Variants in DNAJC5B observed in about 807,000 individuals in gnomAD.
DNAJC5B encodes DnaJ heat shock protein family (Hsp40) member C5 beta, also known as dnaJ homolog subfamily C member 5B.
Under a neutral mutation model 24.7 loss-of-function variants are expected in DNAJC5B, and 23 were observed. The observed-to-expected ratio is 0.93, with a 90% CI of 0.67 to 1.32. The LOEUF is 1.32. Among genes scored for constraint, DNAJC5B ranks in the 40% most tolerant of loss-of-function variants. The pLI, the probability that DNAJC5B is intolerant of heterozygous loss-of-function variation, is 0.00. For missense variants in DNAJC5B, 238 were observed against 240.8 expected, an observed-to-expected ratio of 0.99 and a Z score of 0.08; for synonymous variants, 101 against 90.1, an observed-to-expected ratio of 1.12 and a Z score of -0.68.
At chr8:66,095,275 G>T (rs771137557) in intron 5 of DNAJC5B, among the ~76,000 whole-genome samples, 2 of 151,918 alleles carry the variant, frequency 1.3e-5, no homozygotes, top group Non-Finnish European at 2.9e-5. Flanking sequence ...GACCAGTTAG[G>T]TTTCCCTTCT....
At position 66,076,699 on chromosome 8, in the gene DNAJC5B, T is replaced by G; in HGVS notation, c.159T>G (p.Asp53Glu). ...AACACCATCCAGACAAGAATCCAGATGATCCAGCTGCTACTGAGAAGTTTA... is the reference window on the plus strand; with the variant it reads ...AACACCATCCAGACAAGAATCCAGAGGATCCAGCTGCTACTGAGAAGTTTA... ...ALKHHPDKNP[D>E]DPAATEKFKE... The change falls in exon 4 of 6, where the codon GAT becomes GAG. Residue 53 changes from aspartate to glutamate, a missense_variant. Asp to Glu is a conservative substitution (Grantham distance 45). Transcript: ENST00000276570. The G allele has an allele frequency of 6.2e-7, 1 of 1,614,180 alleles. No homozygotes were observed. The highest frequency in any genetic ancestry group is 8.5e-7 in the Non-Finnish European group (1 of 1,180,018).
At chr8:66,040,689 T>C (rs1201995153) in intron 1 of DNAJC5B, among the ~76,000 whole-genome samples, 3 of 152,124 alleles carry the variant, frequency 2.0e-5, no homozygotes, top group African/African-American at 7.2e-5. Flanking sequence ...AAAAAGTGCA[T>C]AAGCCCAGCC....
intron 3 of DNAJC5B, among the ~76,000 whole-genome samples, chr8:66,074,646 A>G (rs1025508725): frequency 7.9e-5 from 12 of 152,218 alleles, no homozygotes; most frequent in African/African-American, 2.7e-4. Context: ...TTAACAATGG[A>G]TAGGTGCCTA....
intron 3 of DNAJC5B, among the ~76,000 whole-genome samples, chr8:66,069,609 C>T (rs566709034): frequency 2.0e-5 from 3 of 152,220 alleles, no homozygotes; most frequent in African/African-American, 7.2e-5. Flanking sequence ...GATGGATTCA[C>T]AGCCAAATTC....
chr8:66,076,690 G>A lies in DNAJC5B; in HGVS notation c.150G>A (p.Lys50=). ...TGGCCCTGAAACACCATCCAGACAA[G>A]AATCCAGATGATCCAGCTGCTACTG... The part of the protein sequence containing the change: ...RKLALKHHPD[K]NPDDPAATEK... Residue 50 remains lysine (K), a synonymous_variant, in exon 4 of 6, where the codon AAG becomes AAA. Transcript: ENST00000276570. The A allele has an allele frequency of 6.2e-7, 1 of 1,614,050 alleles. No individual in the cohort carries two copies. The highest frequency in any genetic ancestry group is 1.1e-5 in the South Asian group (1 of 91,078).
intron 1 of DNAJC5B, among the ~76,000 whole-genome samples, chr8:66,034,184 GT>G (rs1806428331): frequency 1.3e-5 from 2 of 151,462 alleles, no homozygotes; most frequent in East Asian, 2.0e-4. Flanking sequence ...TTTTGTGTGT[GT>G]GTGTGTGTGT....
intron 2 of DNAJC5B, among the ~76,000 whole-genome samples, chr8:66,044,551 A>T (rs900639965): frequency 6.6e-6 from 1 of 152,046 alleles, no homozygotes; most frequent in Non-Finnish European, 1.5e-5. Context: ...AGAATCTTTA[A>T]AATTTTTGTT....
At chr8:66,052,944 T>G (rs1354066633) in intron 3 of DNAJC5B, among the ~76,000 whole-genome samples, 2 of 151,944 alleles carry the variant, frequency 1.3e-5, no homozygotes, top group African/African-American at 4.8e-5. Context: ...AGTTAGGGCC[T>G]CACTTCTGTC....
At chr8:66,056,424 C>T (rs967836953) in intron 3 of DNAJC5B, 1 of 152,144 alleles carries the variant, frequency 6.6e-6, no homozygotes, top group Non-Finnish European at 1.5e-5. Flanking sequence ...TAGGGGGATT[C>T]CACCACAAGC....
intron 3 of DNAJC5B, among the ~76,000 whole-genome samples, chr8:66,074,018 A>T (rs1807408923): frequency 1.3e-5 from 2 of 152,246 alleles, no homozygotes; most frequent in Admixed American, 1.3e-4. Flanking sequence ...ATGGGAGAAG[A>T]TATATGCAAT....
chr8:66,042,901 C>T (rs1806645131), intron 1 of DNAJC5B, among the ~76,000 whole-genome samples: 1 of 151,998 alleles, frequency 6.6e-6, no homozygotes. Flanking sequence ...CACACTTAAA[C>T]TACTCCTTCA....
At chr8:66,094,461 C>T (rs1311763795) in intron 5 of DNAJC5B, among the ~76,000 whole-genome samples, 1 of 151,958 alleles carries the variant, frequency 6.6e-6, no homozygotes, top group African/African-American at 2.4e-5. Context: ...TAGAAATGTA[C>T]TTTTAAAAAC....
chr8:66,019,122 C>T (rs772615268), upstream of DNAJC5B, among the ~76,000 whole-genome samples: 1 of 152,202 alleles, frequency 6.6e-6, no homozygotes, highest in Non-Finnish European at 1.5e-5. Context: ...TGAGTATGCT[C>T]AGCCAAGACA....
At chr8:66,081,527 T>C (rs1807596103) in intron 5 of DNAJC5B, among the ~76,000 whole-genome samples, 1 of 152,178 alleles carries the variant, frequency 6.6e-6, no homozygotes, top group African/African-American at 2.4e-5. Flanking sequence ...GTACTCTGAT[T>C]CTTTTGATCA....
chr8:66,075,941 T>C (rs561462845), intron 3 of DNAJC5B, among the ~76,000 whole-genome samples: 10 of 152,216 alleles, frequency 6.6e-5, no homozygotes, highest in Admixed American at 2.6e-4. Flanking sequence ...TGTTCCTACA[T>C]AGACGTATGA....
At chr8:66,051,396 C>T in intron 2 of DNAJC5B, 135 bp from the exon 3 acceptor site, 1 of 629,134 alleles carries the variant, frequency 1.6e-6, no homozygotes, top group Non-Finnish European at 2.8e-6. Flanking sequence ...TAACCCTTTT[C>T]TCCCCTCTTT....
At chr8:66,067,783 T>C (rs1310771348) in intron 3 of DNAJC5B, among the ~76,000 whole-genome samples, 1 of 152,182 alleles carries the variant, frequency 6.6e-6, no homozygotes, top group African/African-American at 2.4e-5. Context: ...TGAAGCCATC[T>C]TGGGAGCATA....
chr8:66,028,780 C>T (rs1806300535), intron 1 of DNAJC5B, among the ~76,000 whole-genome samples: 2 of 152,204 alleles, frequency 1.3e-5, no homozygotes, highest in South Asian at 4.1e-4. Context: ...GATCACTCAT[C>T]TCTCCAACCT....
At chr8:66,040,506 T>C (rs1806584844) in intron 1 of DNAJC5B, among the ~76,000 whole-genome samples, 1 of 152,240 alleles carries the variant, frequency 6.6e-6, no homozygotes, top group South Asian at 2.1e-4. Flanking sequence ...TTATCTTCAG[T>C]AAATGTTTTC....
Sources: gnomAD v4.1 joint callset for allele counts (sites outside exome capture counted in the v4.1 genomes callset) on GRCh38, gnomAD v4.1.1 for gene constraint, MANE v1.5 for transcripts, NCBI Gene and HGNC (gene_info 2026-07-23, HGNC 2026-07-21) for gene names.